TAFA4: variants seen among roughly 807,000 people sequenced by gnomAD.
TAFA4 encodes the protein TAFA chemokine like family member 4, also known as chemokine-like protein TAFA-4.
TAFA4 carries 20 observed loss-of-function variants against 21.1 expected under a neutral mutation model. The observed-to-expected ratio is 0.95, with a 90% CI of 0.67 to 1.38. TAFA4 has a LOEUF of 1.38. Among genes scored for constraint, TAFA4 ranks in the 40% most tolerant of loss-of-function variants. The pLI is 0.00. For synonymous variants in TAFA4, 71 were observed against 67.4 expected (o/e 1.05, Z -0.26); for missense variants, 211 against 180.9 (o/e 1.17, Z -0.95).
At chr3:68,752,611 A>C (rs1385679942) in intron 4 of TAFA4, among the ~76,000 whole-genome samples, 1 of 152,170 alleles carries the variant, frequency 6.6e-6, no homozygotes, top group African/African-American at 2.4e-5. Flanking sequence ...CAGGTGGGTA[A>C]AAGGAATTGA....
chr3:68,882,866 C>A (rs189694252), intron 2 of TAFA4: 1 of 152,134 alleles, frequency 6.6e-6, no homozygotes, highest in Non-Finnish European at 1.5e-5. Flanking sequence ...CTTTGAGAAA[C>A]GAAAGGCCCT....
At chr3:68,877,704 C>A (rs981965509) in intron 3 of TAFA4, among the ~76,000 whole-genome samples, 2 of 152,170 alleles carry the variant, frequency 1.3e-5, no homozygotes, top group Admixed American at 1.3e-4. Flanking sequence ...CTTACTAGAA[C>A]AATGAAAAAA....
intron 5 of TAFA4, among the ~76,000 whole-genome samples, chr3:68,737,965 A>T (rs909274317): frequency 6.6e-6 from 1 of 152,226 alleles, no homozygotes; most frequent in African/African-American, 2.4e-5. Context: ...CAAGGCATTC[A>T]TCTGGCTCTG....
chr3:68,766,110 A>C (rs1702849775), intron 3 of TAFA4, among the ~76,000 whole-genome samples: 1 of 152,172 alleles, frequency 6.6e-6, no homozygotes, highest in Non-Finnish European at 1.5e-5. Flanking sequence ...GCACCTAAAC[A>C]TACCAATAAT....
chr3:68,925,129 G>A (rs890613192), intron 1 of TAFA4, among the ~76,000 whole-genome samples: 2 of 152,136 alleles, frequency 1.3e-5, no homozygotes, highest in Non-Finnish European at 2.9e-5. Context: ...GAAGATGTGA[G>A]GTTTTTATCC....
chr3:68,903,300 G>A (rs1461211087), intron 1 of TAFA4, among the ~76,000 whole-genome samples: 3 of 151,488 alleles, frequency 2.0e-5, no homozygotes, highest in African/African-American at 7.3e-5. Flanking sequence ...AAACCGGGAT[G>A]AGAAAAAAAA....
intron 1 of TAFA4, among the ~76,000 whole-genome samples, chr3:68,905,467 C>A (rs549517520): frequency 6.6e-6 from 1 of 152,040 alleles, no homozygotes; most frequent in Non-Finnish European, 1.5e-5. Flanking sequence ...TGCGCCCGGC[C>A]GGTCTCTGCT....
At chr3:68,839,625 C>T (rs1704610109) in intron 3 of TAFA4, among the ~76,000 whole-genome samples, 1 of 152,234 alleles carries the variant, frequency 6.6e-6, no homozygotes, top group Admixed American at 6.5e-5. Flanking sequence ...AAACCTGTCT[C>T]TTAAAAAATC....
intron 3 of TAFA4, among the ~76,000 whole-genome samples, chr3:68,802,087 A>G (rs925002697): frequency 6.6e-6 from 1 of 152,200 alleles, no homozygotes; most frequent in African/African-American, 2.4e-5. Flanking sequence ...AAATAACAAA[A>G]TGGAGGTTAC....
chr3:68,741,435 C>T (rs1040202660), intron 4 of TAFA4, among the ~76,000 whole-genome samples: 17 of 152,006 alleles, frequency 1.1e-4, no homozygotes, highest in East Asian at 1.9e-4. Context: ...TAGAGAAATG[C>T]GACTGAGTTT....
intron 3 of TAFA4, among the ~76,000 whole-genome samples, chr3:68,865,987 G>C (rs541778857): frequency 6.6e-6 from 1 of 152,196 alleles, no homozygotes. Flanking sequence ...GTGAGACTGA[G>C]GTGGACAGCC....
intron 3 of TAFA4, among the ~76,000 whole-genome samples, chr3:68,782,152 A>C (rs1373721164): frequency 6.6e-6 from 1 of 152,222 alleles, no homozygotes; most frequent in African/African-American, 2.4e-5. Context: ...ACAACTCAAC[A>C]AAAGAAAAAA....
chr3:68,769,500 C>T (rs527914352), intron 3 of TAFA4, among the ~76,000 whole-genome samples: 2 of 152,276 alleles, frequency 1.3e-5, no homozygotes, highest in East Asian at 3.9e-4. Flanking sequence ...GACCACTGTT[C>T]TACTGCACAG....
At chr3:68,887,929 C>A (rs1228015224) in intron 1 of TAFA4, among the ~76,000 whole-genome samples, 1 of 152,114 alleles carries the variant, frequency 6.6e-6, no homozygotes, top group Non-Finnish European at 1.5e-5. Context: ...CCTGACCACA[C>A]CCTTAGTATT....
chr3:68,766,787 G>C (rs534175720), intron 3 of TAFA4, among the ~76,000 whole-genome samples: 68 of 152,216 alleles, frequency 4.5e-4, no homozygotes, highest in Middle Eastern at 3.4e-3. Context: ...CCTACACCAA[G>C]GTGTTTCCTC....
In TAFA4 at chr3:68,905,773, G is replaced by T. The variant is rs183355730; in HGVS notation, c.-122-20463C>A. ...AGAAGGGAACATCTGTTATAATCAG[G>T]AGTTCTCATTGGTCAGGGGGTAAAC... On this transcript the variant is annotated intron_variant, in intron 1 of 5. Transcript: ENST00000295569. Among the ~76,000 whole-genome samples the T allele has an allele frequency of 2.6e-5, 4 of 152,282 alleles. No individual in the cohort carries two copies. The East Asian group carries it at 7.7e-4, about 29-fold the overall frequency.
intron 3 of TAFA4, among the ~76,000 whole-genome samples, chr3:68,792,666 C>T (rs1703382877): frequency 6.6e-6 from 1 of 152,134 alleles, no homozygotes; most frequent in Non-Finnish European, 1.5e-5. Context: ...TGTTCATTGA[C>T]AAAAATCTTC....
chr3:68,802,333 A>G (rs924919653), intron 3 of TAFA4, among the ~76,000 whole-genome samples: 24 of 152,272 alleles, frequency 1.6e-4, no homozygotes, highest in African/African-American at 5.8e-4. Context: ...CCTAATTTAC[A>G]TGCTAAATCA....
At chr3:68,740,451 C>T (rs1294287335) in intron 4 of TAFA4, among the ~76,000 whole-genome samples, 6 of 152,166 alleles carry the variant, frequency 3.9e-5, no homozygotes, top group African/African-American at 1.4e-4. Flanking sequence ...GCCTGGCATT[C>T]CTTCACCTTT....
Sources: gnomAD v4.1 joint callset for allele counts (sites outside exome capture counted in the v4.1 genomes callset) on GRCh38, gnomAD v4.1.1 for gene constraint, MANE v1.5 for transcripts, NCBI Gene and HGNC (gene_info 2026-07-23, HGNC 2026-07-21) for gene names.